GALNT18: variants seen among roughly 807,000 people sequenced by gnomAD.
GALNT18 encodes the protein polypeptide N-acetylgalactosaminyltransferase 18.
A neutral mutation model predicts 69.5 loss-of-function variants in GALNT18; 44 were observed. The observed-to-expected ratio is 0.63, with a 90% CI of 0.50 to 0.81. The LOEUF (loss-of-function observed/expected upper bound fraction) is 0.81. Among genes scored for constraint, GALNT18 ranks in the 40% least tolerant of loss-of-function variants. The probability of loss-of-function intolerance (pLI) is 0.00; values close to 1 mark genes in which losing one functional copy is unlikely to be tolerated. For missense variants in GALNT18, 715 were observed against 810.0 expected, an observed-to-expected ratio of 0.88 and a Z score of 1.42; for synonymous variants, 364 against 318.2, an observed-to-expected ratio of 1.14 and a Z score of -1.53.
At chr11:11,306,791 T>G (rs750904392) in intron 9 of GALNT18, among the ~76,000 whole-genome samples, 1 of 152,216 alleles carries the variant, frequency 6.6e-6, no homozygotes, top group Non-Finnish European at 1.5e-5. Flanking sequence ...CAAACTACTT[T>G]GCAATGTGAC....
At position 11,563,052 on chromosome 11, in the gene GALNT18, C is replaced by G. The variant is rs1858553354; in HGVS notation, c.235+58307G>C. Among the ~76,000 whole-genome samples, 1 of 152,116 alleles carries G rather than the reference C, an allele frequency of 6.6e-6. No individual in the cohort carries two copies. Among genetic ancestry groups the G allele is most frequent in the East Asian group, 1.9e-4 (1 of 5,182 alleles). On this transcript the variant is annotated intron_variant, in intron 1 of 10. Coordinates refer to ENST00000227756, the MANE Select transcript of GALNT18 (RefSeq NM_198516.3). The surrounding 1 kb of genome is among the most constrained non-coding windows in gnomAD (Gnocchi z 4.6). ...CTGACGTTTTGTGCTTCATGGCTTCCCTATATACTTCCACCCCCACCCTGC... is the reference window on the plus strand; with the variant it reads ...CTGACGTTTTGTGCTTCATGGCTTCGCTATATACTTCCACCCCCACCCTGC...
chr11:11,532,084 C>CCCCAT (rs1253706665), intron 1 of GALNT18, among the ~76,000 whole-genome samples: 2 of 152,162 alleles, frequency 1.3e-5, no homozygotes, highest in Admixed American at 6.5e-5. Flanking sequence ...AATCCAAGTG[C>CCCCAT]CCCATTTTCT....
At position 11,598,733 on chromosome 11, in the gene GALNT18, T is replaced by C. The variant is rs1859561345; in HGVS notation, c.235+22626A>G. 6.6e-6 allele frequency among the ~76,000 whole-genome samples: 1 copy of C among 152,206 alleles called. No homozygotes were observed. Among genetic ancestry groups the C allele is most frequent in the South Asian group, 2.1e-4 (1 of 4,820 alleles). ...TCTTTTTCAATATAGACATTTATAGTTATACATTTCCCTTTAAATACTACT... is the reference window on the plus strand; with the variant it reads ...TCTTTTTCAATATAGACATTTATAGCTATACATTTCCCTTTAAATACTACT... On this transcript the variant is annotated intron_variant, in intron 1 of 10. Transcript: ENST00000227756. This position sits in a 1 kb window ranked among gnomAD's most constrained non-coding sequence, Gnocchi z 4.8.
chr11:11,286,261 C>T (rs988015952), intron 10 of GALNT18, among the ~76,000 whole-genome samples: 1 of 152,230 alleles, frequency 6.6e-6, no homozygotes, highest in Non-Finnish European at 1.5e-5. Flanking sequence ...ATGCAATATG[C>T]ATATCTGTTT....
intron 1 of GALNT18, among the ~76,000 whole-genome samples, chr11:11,579,540 C>A (rs1375408215): frequency 3.3e-5 from 5 of 152,204 alleles, no homozygotes; most frequent in African/African-American, 1.2e-4. Flanking sequence ...CATCAGGCCT[C>A]TAGCCTCTGG....
In GALNT18 at chr11:11,500,533, G is replaced by C. The variant is rs1856953683; in HGVS notation, c.236-51597C>G. Among the ~76,000 whole-genome samples the C allele has an allele frequency of 6.6e-6, 1 of 152,152 alleles. No homozygotes were observed. Among genetic ancestry groups the C allele is most frequent in the Non-Finnish European group, 1.5e-5 (1 of 68,030 alleles). On this transcript the variant is annotated intron_variant, in intron 1 of 10. Coordinates refer to ENST00000227756, the MANE Select transcript of GALNT18 (RefSeq NM_198516.3). This position sits in a 1 kb window ranked among gnomAD's most constrained non-coding sequence, Gnocchi z 5.0. ...TGGTGGGTGGATGGAGATGCGCCAT[G>C]GGCATCTCTCAGTAGAAGGCAGCAG...
intron 3 of GALNT18, among the ~76,000 whole-genome samples, chr11:11,418,765 T>C (rs1854923818): frequency 6.6e-6 from 1 of 152,228 alleles, no homozygotes; most frequent in Admixed American, 6.5e-5. Flanking sequence ...GTTGAATGAA[T>C]GAGTCCAGCT....
intron 9 of GALNT18, among the ~76,000 whole-genome samples, chr11:11,322,927 A>C (rs1262836973): frequency 6.6e-6 from 1 of 152,000 alleles, no homozygotes; most frequent in Admixed American, 6.6e-5. Context: ...GGCAGAGAGA[A>C]AAGAAAGCTA....
chr11:11,522,261 T>C (rs1857417016), intron 1 of GALNT18, among the ~76,000 whole-genome samples: 1 of 152,192 alleles, frequency 6.6e-6, no homozygotes, highest in Admixed American at 6.5e-5. Context: ...ACAAACTCTA[T>C]GCCCCATCTC....
intron 10 of GALNT18, among the ~76,000 whole-genome samples, chr11:11,285,950 C>T (rs867751612): frequency 1.3e-4 from 20 of 152,224 alleles, no homozygotes; most frequent in Non-Finnish European, 2.6e-4. Context: ...GGCTCAGTCT[C>T]TTCTGGGCAG....
rs942745748 is a variant in GALNT18 at position 11,389,034 on chromosome 11, G to A, written c.596-9770C>T. On this transcript the variant is annotated intron_variant, in intron 3 of 10. Coordinates refer to ENST00000227756, the MANE Select transcript of GALNT18 (RefSeq NM_198516.3). This position sits in a 1 kb window ranked among gnomAD's most constrained non-coding sequence, Gnocchi z 4.3. ...ACAGCCCAGAGAGGCTAAAGGATTT[G>A]CCCAGTATCACAGAGCTAGAAGATG... Among the ~76,000 whole-genome samples the A allele has an allele frequency of 6.6e-6, 1 of 152,182 alleles. No homozygotes were observed. Among genetic ancestry groups the A allele is most frequent in the African/African-American group, 2.4e-5 (1 of 41,438 alleles).
At chr11:11,408,103 C>G (rs1048773983) in intron 3 of GALNT18, among the ~76,000 whole-genome samples, 3 of 152,152 alleles carry the variant, frequency 2.0e-5, no homozygotes, top group South Asian at 2.1e-4. Flanking sequence ...TGGTGGCTCA[C>G]GCCTATAATC....
chr11:11,373,234 G>A (rs2133678272), intron 5 of GALNT18, among the ~76,000 whole-genome samples: 1 of 152,246 alleles, frequency 6.6e-6, no homozygotes, highest in Admixed American at 6.5e-5. Flanking sequence ...TAAGGGGTGG[G>A]AATTGAGGGG....
chr11:11,560,571 A>C (rs1858482493), intron 1 of GALNT18, among the ~76,000 whole-genome samples: 1 of 152,198 alleles, frequency 6.6e-6, no homozygotes, highest in Non-Finnish European at 1.5e-5. Context: ...AGAGCTGTCA[A>C]GGAGTTCAGC....
chr11:11,279,825 T>C (rs1423265715), intron 10 of GALNT18, among the ~76,000 whole-genome samples: 2 of 152,116 alleles, frequency 1.3e-5, no homozygotes, highest in African/African-American at 4.8e-5. Context: ...AACCTAGGGA[T>C]TTGCTTTGTT....
intron 1 of GALNT18, among the ~76,000 whole-genome samples, chr11:11,557,703 T>C (rs1858366242): frequency 6.6e-6 from 1 of 152,170 alleles, no homozygotes; most frequent in Non-Finnish European, 1.5e-5. Flanking sequence ...GAAGGGGAAT[T>C]GGGGACCCAG....
intron 1 of GALNT18, among the ~76,000 whole-genome samples, chr11:11,537,396 G>A (rs1432961310): frequency 6.6e-6 from 1 of 152,100 alleles, no homozygotes; most frequent in Non-Finnish European, 1.5e-5. Context: ...TAATTCTTTG[G>A]AGAATTTAGA....
chr11:11,612,169 C>G (rs2133964846), intron 1 of GALNT18, among the ~76,000 whole-genome samples: 1 of 152,108 alleles, frequency 6.6e-6, no homozygotes, highest in East Asian at 1.9e-4. Context: ...TTTCTTACCT[C>G]TAAAAAGGTA....
At chr11:11,344,632 C>T (rs183635663) in intron 6 of GALNT18, among the ~76,000 whole-genome samples, 1 of 152,332 alleles carries the variant, frequency 6.6e-6, no homozygotes, top group East Asian at 1.9e-4. Flanking sequence ...CACATTTGTC[C>T]TCTGTCACCT....
Sources: gnomAD v4.1 joint callset for allele counts (sites outside exome capture counted in the v4.1 genomes callset) on GRCh38, gnomAD v4.1.1 for gene constraint, Gnocchi (gnomAD v3.1) non-coding constraint, MANE v1.5 for transcripts, NCBI Gene and HGNC (gene_info 2026-07-23, HGNC 2026-07-21) for gene names.